The following FAM13A variants were observed in gnomAD, a reference collection of about 807,000 sequenced individuals.
FAM13A encodes protein FAM13A.
In FAM13A, 76 loss-of-function variants were observed where a neutral mutation model predicts 129.6. The ratio of observed to expected loss-of-function variants is 0.59; its 90% CI spans 0.49 to 0.71. The LOEUF is 0.71. Ranked by LOEUF, FAM13A falls within the 30% of genes least tolerant of loss-of-function variation. The pLI is 0.00. For missense variants in FAM13A, 1,108 were observed against 1,249.3 expected, an observed-to-expected ratio of 0.89 and a Z score of 1.70; for synonymous variants, 443 against 449.9, an observed-to-expected ratio of 0.98 and a Z score of 0.20.
intron 1 of FAM13A, among the ~76,000 whole-genome samples, chr4:89,051,411 T>C (rs1172032245): frequency 6.6e-6 from 1 of 152,176 alleles, no homozygotes; most frequent in Admixed American, 6.5e-5. Flanking sequence ...CCAAATATCA[T>C]CACATTGGAG....
intron 6 of FAM13A, among the ~76,000 whole-genome samples, chr4:88,856,832 TAAG>T (rs2150012690): frequency 6.6e-6 from 1 of 152,240 alleles, no homozygotes; most frequent in South Asian, 2.1e-4. Context: ...ATAATCTTCA[TAAG>T]AAGAAATGTG....
At position 88,833,067 on chromosome 4, in the gene FAM13A, A is replaced by T. The variant is rs139173203; in HGVS notation, c.1007+17953T>A. Among the ~76,000 whole-genome samples the T allele has an allele frequency of 1.6e-3, 247 of 152,338 alleles. 1 individual carries two copies. Among genetic ancestry groups the T allele is most frequent in the African/African-American group, 5.8e-3 (242 of 41,572 alleles). ...TGCAGTCGTAAAAAGGAACAAGATC[A>T]TGTCGTTTTTAGGCACATGGATGGA... On this transcript the variant is annotated intron_variant, in intron 7 of 23. Coordinates refer to ENST00000264344, the MANE Select transcript of FAM13A (RefSeq NM_014883.4).
chr4:88,747,569 C>G, intron 18 of FAM13A, 62 bp downstream of exon 18: 1 of 1,359,590 alleles, frequency 7.4e-7, no homozygotes, highest in Admixed American at 1.7e-5. Context: ...GTGGCATGCC[C>G]TGTGTCTCTA....
chr4:88,916,682 CAA>C (rs1338721013), intron 5 of FAM13A, among the ~76,000 whole-genome samples: 1 of 152,158 alleles, frequency 6.6e-6, no homozygotes, highest in African/African-American at 2.4e-5. Flanking sequence ...GCTCTTCCTC[CAA>C]AAAGTTTGTA....
At chr4:88,980,532 C>T (rs1033121616) in intron 4 of FAM13A, among the ~76,000 whole-genome samples, 1 of 152,090 alleles carries the variant, frequency 6.6e-6, no homozygotes, top group African/African-American at 2.4e-5. Flanking sequence ...GCCAAACTTT[C>T]CAATCACCCA....
intron 7 of FAM13A, among the ~76,000 whole-genome samples, chr4:88,808,527 G>T (rs1484718851): frequency 1.3e-5 from 2 of 151,986 alleles, no homozygotes; most frequent in Non-Finnish European, 2.9e-5. Context: ...AGCATAATTT[G>T]TCATAATTTT....
chr4:88,897,844 T>TCACAAGCTTATAA (rs1746609549), intron 6 of FAM13A, among the ~76,000 whole-genome samples: 1 of 152,164 alleles, frequency 6.6e-6, no homozygotes, highest in Admixed American at 6.6e-5. Context: ...TCTCTTATAG[T>TCACAAGCTTATAA]TCACAAGCTC....
intron 4 of FAM13A, among the ~76,000 whole-genome samples, chr4:88,975,812 G>A (rs1421900413): frequency 1.3e-5 from 2 of 152,150 alleles, no homozygotes; most frequent in Non-Finnish European, 2.9e-5. Context: ...CAAATAACCC[G>A]TGATGAGTGA....
intron 13 of FAM13A, among the ~76,000 whole-genome samples, chr4:88,762,279 G>A (rs1232944137): frequency 1.3e-5 from 2 of 152,114 alleles, no homozygotes; most frequent in South Asian, 2.1e-4. Context: ...TGAGGCATTC[G>A]GTCATTCACA....
chr4:89,038,185 TA>T (rs1268520924), intron 1 of FAM13A, among the ~76,000 whole-genome samples: 2 of 152,230 alleles, frequency 1.3e-5, no homozygotes, highest in Admixed American at 1.3e-4. Context: ...TAACTTAATA[TA>T]AAATCCAATT....
At chr4:88,890,941 T>C (rs530952258) in intron 6 of FAM13A, among the ~76,000 whole-genome samples, 1 of 152,224 alleles carries the variant, frequency 6.6e-6, no homozygotes, top group South Asian at 2.1e-4. Context: ...AACAGAAACG[T>C]GAATAGACCT....
intron 4 of FAM13A, among the ~76,000 whole-genome samples, chr4:88,976,632 G>A (rs1039213870): frequency 7.0e-6 from 1 of 143,766 alleles, no homozygotes; most frequent in African/African-American, 2.6e-5. Context: ...ATGTCATAGA[G>A]CAATTATTTT....
chr4:88,900,606 T>G lies in FAM13A; in HGVS notation c.843+5773A>C, dbSNP rs553671021. ...GCAGACAAGCAAATTCCAAGGGAAT[T>G]TGTCACCACCAGGCCTGCCTTGCAA... On this transcript the variant is annotated intron_variant, in intron 6 of 23. Transcript: ENST00000264344. Among the ~76,000 whole-genome samples the G allele has an allele frequency of 3.3e-5, 5 of 152,204 alleles. No homozygotes were observed. In the East Asian group the frequency reaches 7.7e-4, roughly 24 times the overall value.
intron 6 of FAM13A, 37 bp from the exon 7 acceptor site, chr4:88,851,220 G>T: frequency 6.7e-7 from 1 of 1,488,950 alleles, no homozygotes; most frequent in South Asian, 1.4e-5. Flanking sequence ...GGGAGAGCTA[G>T]ATAAATGTTA....
intron 5 of FAM13A, 55 bp downstream of exon 5, chr4:88,938,027 TAAATAA>T (rs759901386): frequency 7.7e-7 from 1 of 1,301,122 alleles, no homozygotes; most frequent in East Asian, 2.3e-5. Flanking sequence ...GAGAAAGAAT[TAAATAA>T]AATCTTCTGT....
chr4:89,033,402 TA>T (rs944150549), intron 1 of FAM13A, among the ~76,000 whole-genome samples: 1 of 152,068 alleles, frequency 6.6e-6, no homozygotes, highest in African/African-American at 2.4e-5. Flanking sequence ...GAGATGCCAG[TA>T]AAGTGCTCCA....
intron 5 of FAM13A, among the ~76,000 whole-genome samples, chr4:88,910,928 G>T (rs541132308): frequency 7.7e-4 from 117 of 152,232 alleles, no homozygotes; most frequent in Non-Finnish European, 9.4e-4. Flanking sequence ...GATTACAGGC[G>T]TGAGCCACCA....
chr4:88,891,192 G>A (rs569083284), intron 6 of FAM13A, among the ~76,000 whole-genome samples: 81 of 152,318 alleles, frequency 5.3e-4, no homozygotes, highest in African/African-American at 1.9e-3. Flanking sequence ...AGAGGCTGAG[G>A]CAGGTGGATC....
intron 19 of FAM13A, among the ~76,000 whole-genome samples, chr4:88,744,414 TTA>T (rs1328094567): frequency 6.6e-6 from 1 of 152,126 alleles, no homozygotes; most frequent in Non-Finnish European, 1.5e-5. Flanking sequence ...GTTTTTGTGT[TTA>T]TATATGTGTA....
Sources: gnomAD v4.1 joint callset for allele counts (sites outside exome capture counted in the v4.1 genomes callset) on GRCh38, gnomAD v4.1.1 for gene constraint, MANE v1.5 for transcripts, NCBI Gene and HGNC (gene_info 2026-07-23, HGNC 2026-07-21) for gene names.